ATF3: variants seen among roughly 807,000 people sequenced by gnomAD.
ATF3 encodes activating transcription factor 3.
Under a neutral mutation model 18.4 loss-of-function variants are expected in ATF3, and 10 were observed. The ratio of observed to expected loss-of-function variants is 0.54; its 90% CI spans 0.34 to 0.92. ATF3 has a LOEUF of 0.92. Among genes scored for constraint, ATF3 ranks in the 40% least tolerant of loss-of-function variants. The probability of loss-of-function intolerance (pLI) is 0.02; values close to 1 mark genes in which losing one functional copy is unlikely to be tolerated. For synonymous variants in ATF3, 78 were observed against 87.9 expected (o/e 0.89, Z 0.63); for missense variants, 183 against 222.3 (o/e 0.82, Z 1.12).
chr1:212,585,275 G>A (rs979179236), intron 1 of ATF3, among the ~76,000 whole-genome samples: 2 of 152,152 alleles, frequency 1.3e-5, no homozygotes, highest in African/African-American at 2.4e-5. Context: ...CCTACCTGTC[G>A]ACCTCTCCAG....
upstream of ATF3, among the ~76,000 whole-genome samples, chr1:212,606,825 G>A (rs73077752): frequency 8.6e-3 from 1,308 of 152,298 alleles, 14 homozygotes; most frequent in African/African-American, 0.03. Context: ...GGTGTCCGCC[G>A]GGCTGCTCCG....
chr1:212,601,778 C>T (rs373262796), intron 1 of ATF3, among the ~76,000 whole-genome samples: 1 of 152,092 alleles, frequency 6.6e-6, no homozygotes, highest in South Asian at 2.1e-4. Context: ...AGTAAGCCAG[C>T]CTGAGAGATG....
chr1:212,595,605 G>A (rs904805872), intron 1 of ATF3, among the ~76,000 whole-genome samples: 3 of 152,100 alleles, frequency 2.0e-5, no homozygotes, highest in African/African-American at 7.3e-5. Flanking sequence ...CTCGAATTGG[G>A]ATGGATAGAT....
At chr1:212,566,884 GGCGA>G (rs1030929747) in intron 1 of ATF3, among the ~76,000 whole-genome samples, 1 of 152,100 alleles carries the variant, frequency 6.6e-6, no homozygotes, top group African/African-American at 2.4e-5. Context: ...AACCTCGTAC[GGCGA>G]GTAATGGATC....
At chr1:212,617,932 CGTGTGT>C (rs10545342) in intron 2 of ATF3, among the ~76,000 whole-genome samples, 189 bp from the exon 3 acceptor site, 3 of 106,598 alleles carry the variant, frequency 2.8e-5, no homozygotes, top group African/African-American at 1.1e-4. Context: ...TGTTCACTCA[CGTGTGT>C]GTGTGTGCGT....
At chr1:212,575,478 A>G (rs1664561649) in intron 1 of ATF3, among the ~76,000 whole-genome samples, 1 of 152,178 alleles carries the variant, frequency 6.6e-6, no homozygotes, top group Admixed American at 6.5e-5. Context: ...ATTTTCAGCA[A>G]ACGAAAACAG....
At chr1:212,610,673 C>G (rs747669288) in intron 1 of ATF3, among the ~76,000 whole-genome samples, 13 of 152,148 alleles carry the variant, frequency 8.5e-5, no homozygotes, top group African/African-American at 2.9e-4. Context: ...TCTCCATGGC[C>G]GTTTTCTTCG....
Position 212,619,165 on chromosome 1 carries a change from A to G in ATF3, c.349-193A>G. On this transcript the variant is annotated intron_variant, in intron 3 of 3. Coordinates refer to ENST00000341491, the MANE Select transcript of ATF3 (RefSeq NM_001674.4). This position sits in a 1 kb window ranked among gnomAD's most constrained non-coding sequence, Gnocchi z 4.4. The stretch of plus-strand genomic sequence containing the variant: ...CACAGGCCGCCTCTGTGGCATCACC[A>G]GGGTTTCTCTGAAGAAGAGGGTCTG... 1 of 1,613,656 alleles carries G rather than the reference A, an allele frequency of 6.2e-7. No individual in the cohort carries two copies. Among genetic ancestry groups the G allele is most frequent in the Non-Finnish European group, 8.5e-7 (1 of 1,180,010 alleles).
intron 1 of ATF3, among the ~76,000 whole-genome samples, chr1:212,597,801 A>C (rs1654357408): frequency 6.6e-6 from 1 of 152,176 alleles, no homozygotes; most frequent in Non-Finnish European, 1.5e-5. Context: ...TTTCGCTTAT[A>C]TAAGTCACTA....
At chr1:212,601,746 T>A (rs974908299) in intron 1 of ATF3, among the ~76,000 whole-genome samples, 29 of 152,366 alleles carry the variant, frequency 1.9e-4, no homozygotes, top group African/African-American at 5.5e-4. Flanking sequence ...CAAGTTTTTT[T>A]AAATTTGTTT....
chr1:212,600,906 C>A (rs1164153446), intron 1 of ATF3, among the ~76,000 whole-genome samples: 61 of 152,006 alleles, frequency 4.0e-4, no homozygotes, highest in Admixed American at 4.0e-3. Flanking sequence ...TATAAAATAC[C>A]TACTATATTG....
Position 212,619,219 on chromosome 1 carries a change from C to T in ATF3, c.349-139C>T. On this transcript the variant is annotated intron_variant, in intron 3 of 3. Coordinates refer to ENST00000341491, the MANE Select transcript of ATF3 (RefSeq NM_001674.4). This position sits in a 1 kb window ranked among gnomAD's most constrained non-coding sequence, Gnocchi z 4.4. ...TTTCCTAAACCCAGTGCTGCTCTCC[C>T]ATCTCCCATCTTCCTCTCGCAGCTT... The T allele has an allele frequency of 1.9e-6, 3 of 1,610,286 alleles. No homozygotes were observed. The South Asian group carries it at 3.3e-5, about 18-fold the overall frequency.
At chr1:212,607,176 G>A (rs1220756086), upstream of ATF3, among the ~76,000 whole-genome samples, 3 of 152,200 alleles carry the variant, frequency 2.0e-5, no homozygotes, top group Admixed American at 6.5e-5. Context: ...GAGGAACCCC[G>A]GTGGGGGGAA....
At chr1:212,583,021 G>A (rs10863981) in intron 1 of ATF3, among the ~76,000 whole-genome samples, 19,036 of 152,102 alleles carry the variant, frequency 0.13, 1,656 homozygotes, top group East Asian at 0.29. Context: ...TCCAGGGAAA[G>A]GGAAAGCGCT....
At chr1:212,597,049 A>G (rs879905514) in intron 1 of ATF3, among the ~76,000 whole-genome samples, 1 of 152,232 alleles carries the variant, frequency 6.6e-6, no homozygotes, top group Non-Finnish European at 1.5e-5. Flanking sequence ...TTATGTGAGG[A>G]AGATGCGGGG....
chr1:212,604,363 C>G (rs1204048026), upstream of ATF3, among the ~76,000 whole-genome samples: 1 of 152,200 alleles, frequency 6.6e-6, no homozygotes, highest in Non-Finnish European at 1.5e-5. Flanking sequence ...GGAATATCTG[C>G]TACCTGGGTT....
chr1:212,579,714 A>G (rs1247326642), intron 1 of ATF3, among the ~76,000 whole-genome samples: 1 of 152,184 alleles, frequency 6.6e-6, no homozygotes, highest in Non-Finnish European at 1.5e-5. Flanking sequence ...TCTTCTGTAA[A>G]ATGAGTATCT....
upstream of ATF3, among the ~76,000 whole-genome samples, chr1:212,606,301 T>A (rs959611258): frequency 6.6e-6 from 1 of 152,220 alleles, no homozygotes; most frequent in Non-Finnish European, 1.5e-5. Flanking sequence ...AAGATTCTTA[T>A]CACTTTTCGG....
intron 2 of ATF3, among the ~76,000 whole-genome samples, 177 bp downstream of exon 2, chr1:212,615,438 C>T (rs1055304287): frequency 4.6e-5 from 7 of 151,960 alleles, no homozygotes; most frequent in African/African-American, 1.4e-4. Flanking sequence ...CGTAAGTACA[C>T]GTTAAGAGAT....
Sources: allele counts gnomAD v4.1 joint callset (sites outside exome capture counted in the v4.1 genomes callset), GRCh38; gene constraint gnomAD v4.1.1; non-coding constraint Gnocchi (gnomAD v3.1); transcripts MANE v1.5; gene names NCBI Gene and HGNC (gene_info 2026-07-23, HGNC 2026-07-21).